The following TBC1D2 variants were observed in gnomAD, a reference collection of about 807,000 sequenced individuals.
TBC1D2 encodes TBC1 domain family member 2.
TBC1D2 carries 58 observed loss-of-function variants against 91.1 expected under a neutral mutation model. The observed-to-expected ratio is 0.64, with a 90% CI of 0.52 to 0.79. The LOEUF is 0.79. Ranked by LOEUF, TBC1D2 falls within the 30% of genes least tolerant of loss-of-function variation. The pLI is 0.00. For missense variants in TBC1D2, 1,080 were observed against 1,208.3 expected (o/e 0.89, Z 1.57); for synonymous variants, 482 against 511.5 (o/e 0.94, Z 0.78).
chr9:98,211,124 C>A (rs1194679179), intron 7 of TBC1D2, among the ~76,000 whole-genome samples: 1 of 152,242 alleles, frequency 6.6e-6, no homozygotes, highest in Non-Finnish European at 1.5e-5. Flanking sequence ...ACAGTCCCAT[C>A]CTGGTTCAGC....
Position 98,200,260 on chromosome 9 carries a change from T to TG in TBC1D2, c.2571dup (p.Asn858GlnfsTer12). ...GGGGTGGGGGTTCCTCACCGGCTGTTGGAGATGGTCTTGGTGAAGAAGCGC... is the reference window on the plus strand; with the variant it reads ...GGGGTGGGGGTTCCTCACCGGCTGTTGGGAGATGGTCTTGGTGAAGAAGCGC... On this transcript the variant is annotated frameshift_variant, in exon 12 of 13. Transcript: ENST00000465784. LOFTEE classifies it low-confidence loss of function (END_TRUNC). 6.2e-7 allele frequency: 1 copy of TG among 1,613,766 alleles called. No individual in the cohort carries two copies. The highest frequency in any genetic ancestry group is 8.5e-7 in the Non-Finnish European group (1 of 1,179,916).
At chr9:98,249,476 A>C (rs1196189018) in intron 2 of TBC1D2, among the ~76,000 whole-genome samples, 1 of 152,220 alleles carries the variant, frequency 6.6e-6, no homozygotes, top group African/African-American at 2.4e-5. Flanking sequence ...CAGTTAAGAC[A>C]CAGGAATTCT....
intron 5 of TBC1D2, among the ~76,000 whole-genome samples, chr9:98,221,458 G>A (rs1165573104): frequency 6.6e-6 from 1 of 152,234 alleles, no homozygotes; most frequent in Non-Finnish European, 1.5e-5. Context: ...ATGGTGAGGT[G>A]TAGCCAAGTA....
intron 1 of TBC1D2, among the ~76,000 whole-genome samples, chr9:98,254,708 A>G (rs1446496162): frequency 1.3e-5 from 2 of 152,238 alleles, no homozygotes; most frequent in Non-Finnish European, 2.9e-5. Flanking sequence ...TCTTCTCAGC[A>G]TTCACTGACC....
chr9:98,234,322 T>A (rs1829449890), intron 3 of TBC1D2, among the ~76,000 whole-genome samples: 1 of 152,134 alleles, frequency 6.6e-6, no homozygotes, highest in Non-Finnish European at 1.5e-5. Context: ...AACTAGATAG[T>A]ACCAAAGGCT....
intron 5 of TBC1D2, among the ~76,000 whole-genome samples, chr9:98,223,926 G>A (rs1221617186): frequency 3.9e-5 from 6 of 152,308 alleles, no homozygotes; most frequent in South Asian, 2.1e-4. Flanking sequence ...TGGGCCGGGC[G>A]TGGTGGCTCA....
At chr9:98,247,497 G>A (rs375831318) in intron 2 of TBC1D2, among the ~76,000 whole-genome samples, 41 of 152,296 alleles carry the variant, frequency 2.7e-4, no homozygotes, top group Middle Eastern at 6.8e-3. Flanking sequence ...GGGAGGCGGA[G>A]GTGGGTGGAG....
intron 3 of TBC1D2, among the ~76,000 whole-genome samples, chr9:98,241,164 C>T (rs1162211680): frequency 6.6e-6 from 1 of 152,188 alleles, no homozygotes; most frequent in Non-Finnish European, 1.5e-5. Flanking sequence ...TATTCTCACC[C>T]TCATTGGACA....
chr9:98,250,686 G>A (rs1829854403), intron 2 of TBC1D2, among the ~76,000 whole-genome samples: 1 of 152,002 alleles, frequency 6.6e-6, no homozygotes, highest in African/African-American at 2.4e-5. Context: ...AGGTCCAGGG[G>A]GTACTTGGTA....
chr9:98,221,545 G>T (rs989591054), intron 5 of TBC1D2, among the ~76,000 whole-genome samples: 2 of 152,128 alleles, frequency 1.3e-5, no homozygotes, highest in African/African-American at 4.8e-5. Flanking sequence ...CTAGATACAC[G>T]CTCCTCTGGT....
In TBC1D2 at chr9:98,203,356, AC is replaced by A; in HGVS notation, c.2202del (p.Trp734CysfsTer20). On this transcript the variant is annotated frameshift_variant, in exon 10 of 13. Transcript: ENST00000465784. LOFTEE classifies it high-confidence loss of function. The stretch of plus-strand genomic sequence containing the variant: ...ATGGTCTCCACAATGGCCACCAGGC[AC>A]CAGAAGGCGCTCTCCTCCTCCTCTA... ...LVLEEEESAFWCLVAIVETIM... is the reference protein window; with the variant it reads ...LVLEEEESAFXCLVAIVETIM... 2 of 1,614,240 alleles carry A rather than the reference AC, an allele frequency of 1.2e-6. No homozygotes were observed. The highest frequency in any genetic ancestry group is 1.7e-6 in the Non-Finnish European group (2 of 1,180,050).
intron 3 of TBC1D2, among the ~76,000 whole-genome samples, chr9:98,240,661 C>T (rs998536062): frequency 1.3e-5 from 2 of 152,170 alleles, no homozygotes; most frequent in Non-Finnish European, 1.5e-5. Flanking sequence ...GAACTGCTCC[C>T]TCCCTGACAT....
chr9:98,199,727 A>G lies in TBC1D2; in HGVS notation c.2580-139T>C, dbSNP rs79541309. ...CCCCTGCCCTCAGGAGGAAACAATG[A>G]ATAAGATGATTTCCACCCACAGAGA... On this transcript the variant is annotated intron_variant, in intron 12 of 12. Transcript: ENST00000465784. 1,603 of 838,276 alleles carry G rather than the reference A, an allele frequency of 1.9e-3. 28 individuals are homozygous for G. The East Asian group carries it at 0.034, about 18-fold the overall frequency. The allele number at this position is 838,276 out of a possible 1,614,324, so 51.9% of individuals were successfully genotyped here.
At chr9:98,250,467 G>A (rs905407585) in intron 2 of TBC1D2, among the ~76,000 whole-genome samples, 5 of 151,098 alleles carry the variant, frequency 3.3e-5, no homozygotes, top group East Asian at 1.9e-4. Flanking sequence ...CAGTGGCAGC[G>A]AGAAAGGCCT....
chr9:98,229,010 T>G lies in TBC1D2; in HGVS notation c.920A>C (p.Lys307Thr), dbSNP rs745438126. 4 of 1,614,108 alleles carry G rather than the reference T, an allele frequency of 2.5e-6. No individual in the cohort carries two copies. Among genetic ancestry groups the G allele is most frequent in the Non-Finnish European group, 2.5e-6 (3 of 1,180,046 alleles). ...GITRNRTAQE[K>T]VAALEQQVLM... ...AACCTGTTGCTCCAAGGCTGCCACTTTCTCCTGGGCAGTTCGGTTCCGTGT... is the reference window on the plus strand; with the variant it reads ...AACCTGTTGCTCCAAGGCTGCCACTGTCTCCTGGGCAGTTCGGTTCCGTGT... The change falls in exon 5 of 13, where the codon AAA (lysine) becomes ACA (threonine). Residue 307 changes from lysine to threonine, a missense_variant. Physicochemically the swap from Lys to Thr is moderately conservative, Grantham distance 78 (BLOSUM62 -1). Coordinates refer to ENST00000465784, the MANE Select transcript of TBC1D2 (RefSeq NM_001267571.2).
chr9:98,216,033 G>A (rs753410412), intron 6 of TBC1D2, among the ~76,000 whole-genome samples: 3 of 152,188 alleles, frequency 2.0e-5, no homozygotes, highest in East Asian at 1.9e-4. Flanking sequence ...TACCGGCACC[G>A]CCTGGTGGTC....
At chr9:98,251,750 T>C (rs751249887) in intron 2 of TBC1D2, 35 bp downstream of exon 2, 1 of 1,537,948 alleles carries the variant, frequency 6.5e-7, no homozygotes, top group Non-Finnish European at 8.7e-7. Flanking sequence ...ACCAGAGCCC[T>C]GGGTGTGCAG....
At chr9:98,202,782 A>G (rs1828542456) in intron 10 of TBC1D2, among the ~76,000 whole-genome samples, 2 of 152,274 alleles carry the variant, frequency 1.3e-5, no homozygotes, top group South Asian at 4.1e-4. Context: ...GTCATATAAC[A>G]CACATCAATT....
intron 2 of TBC1D2, among the ~76,000 whole-genome samples, chr9:98,245,066 C>T (rs1829736445): frequency 6.6e-6 from 1 of 151,630 alleles, no homozygotes; most frequent in African/African-American, 2.4e-5. Context: ...CGGTGAAACC[C>T]CATCTCTACT....
Sources: allele counts gnomAD v4.1 joint callset (sites outside exome capture counted in the v4.1 genomes callset), GRCh38; gene constraint gnomAD v4.1.1; transcripts MANE v1.5; gene names NCBI Gene and HGNC (gene_info 2026-07-23, HGNC 2026-07-21).